FRMD3: variants seen among roughly 807,000 people sequenced by gnomAD.
FRMD3 encodes FERM domain-containing protein 3.
FRMD3 carries 33 observed loss-of-function variants against 70.2 expected under a neutral mutation model. The observed-to-expected ratio is 0.47, with a 90% CI of 0.36 to 0.63. The LOEUF (loss-of-function observed/expected upper bound fraction) is 0.63, where lower values mean the gene tolerates loss of function less well. Ranked by LOEUF, FRMD3 falls within the 20% of genes least tolerant of loss-of-function variation. FRMD3 has a pLI of 0.00. For missense variants in FRMD3, 632 were observed against 711.4 expected (o/e 0.89, Z 1.27); for synonymous variants, 279 against 255.9 (o/e 1.09, Z -0.86).
intron 1 of FRMD3, among the ~76,000 whole-genome samples, chr9:83,484,654 G>A (rs1312118890): frequency 6.6e-6 from 1 of 152,206 alleles, no homozygotes; most frequent in Non-Finnish European, 1.5e-5. Flanking sequence ...CCGGCCTCAA[G>A]TGATCCGCCC....
chr9:83,274,812 G>A (rs1373044030), intron 13 of FRMD3, among the ~76,000 whole-genome samples: 11 of 152,214 alleles, frequency 7.2e-5, no homozygotes, highest in Non-Finnish European at 1.2e-4. Flanking sequence ...GGGCTACAGG[G>A]AGATCAATAA....
chr9:83,380,904 T>C (rs181107196), intron 2 of FRMD3, among the ~76,000 whole-genome samples: 25 of 152,272 alleles, frequency 1.6e-4, no homozygotes, highest in Non-Finnish European at 2.8e-4. Context: ...ACCTCAATAG[T>C]AACCAGATCC....
intron 1 of FRMD3, among the ~76,000 whole-genome samples, chr9:83,406,025 C>T (rs1049292633): frequency 2.0e-5 from 3 of 152,124 alleles, no homozygotes; most frequent in African/African-American, 7.2e-5. Context: ...TCCATTCTCC[C>T]TTCCTACTGC....
At chr9:83,377,664 T>C (rs754408945) in intron 2 of FRMD3, among the ~76,000 whole-genome samples, 1 of 152,066 alleles carries the variant, frequency 6.6e-6, no homozygotes, top group Non-Finnish European at 1.5e-5. Flanking sequence ...GATGTCTGCT[T>C]GCCCTTTGCT....
chr9:83,525,523 C>T (rs933818154), intron 1 of FRMD3, among the ~76,000 whole-genome samples: 1 of 152,184 alleles, frequency 6.6e-6, no homozygotes, highest in South Asian at 2.1e-4. Flanking sequence ...ACTTGCAAAG[C>T]TGCTCCTCAT....
At chr9:83,306,004 T>A (rs1835120515) in intron 10 of FRMD3, among the ~76,000 whole-genome samples, 1 of 152,216 alleles carries the variant, frequency 6.6e-6, no homozygotes, top group African/African-American at 2.4e-5. Flanking sequence ...TTACCCAAAA[T>A]GTGTAAAACA....
chr9:83,327,263 A>C (rs1406351385), intron 6 of FRMD3, among the ~76,000 whole-genome samples: 1 of 152,252 alleles, frequency 6.6e-6, no homozygotes, highest in Admixed American at 6.5e-5. Context: ...ATTTTGCTGC[A>C]ACTTGGTTGC....
At chr9:83,489,837 A>T (rs1415310366) in intron 1 of FRMD3, among the ~76,000 whole-genome samples, 1 of 152,212 alleles carries the variant, frequency 6.6e-6, no homozygotes, top group African/African-American at 2.4e-5. Context: ...GCAAAATCTC[A>T]ATCAATATGG....
the FRMD3 span, among the ~76,000 whole-genome samples, chr9:83,559,209 T>C: frequency 7.2e-5 from 11 of 152,186 alleles, no homozygotes; most frequent in Admixed American, 6.5e-4. Flanking sequence ...GAAGAGTCCA[T>C]TGATGCGGCA....
In FRMD3 at chr9:83,247,477, T is replaced by C; in HGVS notation, c.*441A>G. ...ACCAAAAACCCAGCATAAATTTAGT[T>C]GTATAGGCATTGGTTAGAGGACACT... On this transcript the variant is annotated 3_prime_UTR_variant, in exon 14 of 14. Transcript: ENST00000304195. The C allele has an allele frequency of 4.1e-6, 4 of 984,402 alleles. No homozygotes were observed. The highest frequency in any genetic ancestry group is 4.8e-6 in the Non-Finnish European group (4 of 828,664). 61.0% of individuals were successfully genotyped at this position (984,402 alleles called of 1,614,324 possible). A position where few individuals can be genotyped will look rare whatever the true frequency, so the allele number is the denominator to read the frequency against.
intron 2 of FRMD3, among the ~76,000 whole-genome samples, chr9:83,382,902 AC>A (rs1347314387): frequency 6.6e-6 from 1 of 151,696 alleles, no homozygotes; most frequent in East Asian, 1.9e-4. Flanking sequence ...AAACATCTCC[AC>A]CTCAACTTCT....
rs200762422 is a variant in FRMD3, at chr9:83,463,513, T to C, written c.148-73805A>G. On this transcript the variant is annotated intron_variant, in intron 1 of 13. Coordinates refer to ENST00000304195, the MANE Select transcript of FRMD3 (RefSeq NM_174938.6). Reference sequence around the variant, plus strand: ...GCCATCAGATCTCACGAGAACTCACTCACTATCATGAGAACAGTAGCATAG... The same window carrying C: ...GCCATCAGATCTCACGAGAACTCACCCACTATCATGAGAACAGTAGCATAG... Among the ~76,000 whole-genome samples the C allele has an allele frequency of 3.5e-4, 53 of 152,212 alleles. 1 individual carries two copies. In the East Asian group the frequency reaches 0.01, roughly 29 times the overall value.
At position 83,309,613 on chromosome 9, in the gene FRMD3, C is replaced by A. The variant is rs1182534044; in HGVS notation, c.849G>T (p.Met283Ile). ...VIGTQKEKKA[M>I]LAFHTSTPAA... ...CTGGTGTTGAAGTATGGAATGCCAA[C>A]ATGGCTTTTTTCTAATTAAAAAATA... The change falls in exon 10 of 14, where the codon ATG (methionine) becomes ATT (isoleucine). Residue 283 changes from methionine (M) to isoleucine (I), a missense_variant. Met to Ile is a conservative substitution (Grantham distance 10). Coordinates refer to ENST00000304195, the MANE Select transcript of FRMD3 (RefSeq NM_174938.6). The A allele has an allele frequency of 1.9e-6, 3 of 1,581,460 alleles. No individual in the cohort carries two copies. The highest frequency in any genetic ancestry group is 2.4e-5 in the South Asian group (2 of 83,460).
chr9:83,429,541 T>G (rs751111279), intron 1 of FRMD3, among the ~76,000 whole-genome samples: 1 of 152,172 alleles, frequency 6.6e-6, no homozygotes, highest in Non-Finnish European at 1.5e-5. Context: ...CTGCCCACCT[T>G]GTAGAAGGAG....
chr9:83,392,698 C>T (rs957170376), intron 1 of FRMD3, among the ~76,000 whole-genome samples: 3 of 152,108 alleles, frequency 2.0e-5, no homozygotes, highest in East Asian at 1.9e-4. Context: ...TCCACAAGCC[C>T]GCACAGCACT....
chr9:83,296,162 A>C (rs562627554), intron 12 of FRMD3, among the ~76,000 whole-genome samples: 42 of 152,346 alleles, frequency 2.8e-4, no homozygotes, highest in African/African-American at 9.4e-4. Context: ...GCTTCAAAGA[A>C]GCTGAAATAC....
At chr9:83,248,657 A>T in intron 13 of FRMD3, 141 bp from the exon 14 acceptor site, 1 of 929,404 alleles carries the variant, frequency 1.1e-6, no homozygotes, top group South Asian at 1.9e-5. Flanking sequence ...GTTGTAACAA[A>T]GTCGTATTAT....
intron 1 of FRMD3, among the ~76,000 whole-genome samples, chr9:83,470,821 T>C (rs1032664254): frequency 6.6e-6 from 1 of 152,252 alleles, no homozygotes; most frequent in Non-Finnish European, 1.5e-5. Flanking sequence ...AAAGAAGACT[T>C]GGAGTTAACC....
chr9:83,266,647 G>T (rs559658741), intron 13 of FRMD3, among the ~76,000 whole-genome samples: 1 of 152,274 alleles, frequency 6.6e-6, no homozygotes, highest in South Asian at 2.1e-4. Context: ...AATGAAAGGA[G>T]GGGGAGCGTG....
Sources: gnomAD v4.1 joint callset for allele counts (sites outside exome capture counted in the v4.1 genomes callset) on GRCh38, gnomAD v4.1.1 for gene constraint, MANE v1.5 for transcripts, NCBI Gene and HGNC (gene_info 2026-07-23, HGNC 2026-07-21) for gene names.